NTRK3: variants seen among roughly 807,000 people sequenced by gnomAD.
NTRK3 encodes the protein neurotrophic receptor tyrosine kinase 3.
NTRK3 carries 24 observed loss-of-function variants against 91.7 expected under a neutral mutation model. The observed-to-expected ratio is 0.26, with a 90% CI of 0.19 to 0.37. NTRK3 has a LOEUF of 0.37. Ranked by LOEUF, NTRK3 falls within the 10% of genes least tolerant of loss-of-function variation. NTRK3 has a pLI of 1.00. For missense variants in NTRK3, 880 were observed against 1,068.9 expected (o/e 0.82, Z 2.46); for synonymous variants, 483 against 404.0 (o/e 1.20, Z -2.34).
At chr15:88,040,377 G>T (rs2079488410) in intron 13 of NTRK3, among the ~76,000 whole-genome samples, 1 of 152,178 alleles carries the variant, frequency 6.6e-6, no homozygotes, top group East Asian at 1.9e-4. Flanking sequence ...CCACCATTCT[G>T]CAGAAGCCTT....
exon 18 of NTRK3, chr15:87,880,285 T>C (rs905761858): frequency 1.9e-6 from 3 of 1,614,004 alleles, no homozygotes. Context: ...TGTTTGAGAG[T>C]TGGAACCATG....
At chr15:88,229,923 G>A (rs1863487) in intron 3 of NTRK3, among the ~76,000 whole-genome samples, 123,976 of 152,248 alleles carry the variant, frequency 0.81, 51,346 homozygotes, top group East Asian at 0.96. Context: ...GTCACAATGC[G>A]GCCATTGTAC....
At chr15:87,971,320 T>A (rs756869994) in intron 14 of NTRK3, among the ~76,000 whole-genome samples, 1 of 152,184 alleles carries the variant, frequency 6.6e-6, no homozygotes, top group Non-Finnish European at 1.5e-5. Flanking sequence ...CCAGAGAGCA[T>A]CACAGATCCT....
At chr15:88,179,268 T>A (rs947080552) in intron 5 of NTRK3, among the ~76,000 whole-genome samples, 2 of 152,244 alleles carry the variant, frequency 1.3e-5, no homozygotes, top group African/African-American at 4.8e-5. Context: ...ACATAGTAAC[T>A]TTTTAAATTG....
chr15:88,193,747 C>T (rs1402267862), intron 3 of NTRK3, among the ~76,000 whole-genome samples: 1 of 152,152 alleles, frequency 6.6e-6, no homozygotes, highest in African/African-American at 2.4e-5. Context: ...CATTTTTTCT[C>T]TTCCTCTTCT....
At chr15:87,899,157 C>T (rs1294067847) in intron 17 of NTRK3, among the ~76,000 whole-genome samples, 1 of 151,960 alleles carries the variant, frequency 6.6e-6, no homozygotes, top group African/African-American at 2.4e-5. Flanking sequence ...TCTCTGGGTC[C>T]AGGATTTAAA....
intron 14 of NTRK3, among the ~76,000 whole-genome samples, chr15:88,028,016 G>A (rs1195987008): frequency 6.6e-6 from 1 of 152,114 alleles, no homozygotes; most frequent in East Asian, 1.9e-4. Flanking sequence ...AGACGAACAG[G>A]GTGTGGAAGG....
rs376881078 is a variant in NTRK3 at position 88,128,747 on chromosome 15, G to T, written c.1205-13C>A. On this transcript the variant is annotated splice_polypyrimidine_tract_variant and intron_variant, in intron 10 of 18. Transcript: ENST00000394480. ...TTATCCGTGCTCTCTGCAAAAAAAG[G>T]ACAAAGAGATAATTAACAAATTTAA... is the stretch of plus-strand genomic sequence containing the variant. 10 of 1,613,250 alleles carry T rather than the reference G, an allele frequency of 6.2e-6. No homozygotes were observed. The African/African-American group carries it at 1.2e-4, about 19-fold the overall frequency.
intron 16 of NTRK3, among the ~76,000 whole-genome samples, chr15:87,932,688 C>G (rs2068910837): frequency 6.6e-6 from 1 of 152,128 alleles, no homozygotes; most frequent in African/African-American, 2.4e-5. Flanking sequence ...AAGGGTGGCC[C>G]TAGAATCTTG....
At chr15:88,089,805 T>G (rs1283588280) in intron 13 of NTRK3, among the ~76,000 whole-genome samples, 1 of 152,150 alleles carries the variant, frequency 6.6e-6, no homozygotes, top group Non-Finnish European at 1.5e-5. Context: ...TGGCCCCTTC[T>G]AAAATACAGG....
At chr15:87,890,377 C>T (rs1323863255) in intron 17 of NTRK3, among the ~76,000 whole-genome samples, 1 of 152,114 alleles carries the variant, frequency 6.6e-6, no homozygotes, top group Non-Finnish European at 1.5e-5. Flanking sequence ...AGCTGGAAAT[C>T]TTTTATAAAT....
chr15:88,181,007 C>T (rs998971795), intron 5 of NTRK3, among the ~76,000 whole-genome samples: 3 of 152,220 alleles, frequency 2.0e-5, no homozygotes, highest in African/African-American at 7.2e-5. Context: ...CTCCTCTGGG[C>T]ATCCCACTGT....
intron 17 of NTRK3, among the ~76,000 whole-genome samples, chr15:87,886,698 A>ATATATATATATATATATATATATG (rs2065566615): frequency 1.4e-5 from 2 of 141,810 alleles, no homozygotes; most frequent in African/African-American, 5.2e-5. Context: ...ATATATATAT[A>ATATATATATATATATATATATATG]TACATATATA....
chr15:88,239,976 C>T (rs538690698), intron 3 of NTRK3, among the ~76,000 whole-genome samples: 3 of 152,160 alleles, frequency 2.0e-5, no homozygotes, highest in South Asian at 4.2e-4. Flanking sequence ...CTCGGTGATG[C>T]GCATGCACGC....
intron 17 of NTRK3, among the ~76,000 whole-genome samples, chr15:87,896,022 T>G (rs2066101874): frequency 6.6e-6 from 1 of 152,040 alleles, no homozygotes; most frequent in Non-Finnish European, 1.5e-5. Flanking sequence ...ACAAATATAT[T>G]TCCTAAATGT....
At chr15:88,051,137 C>T (rs1352937757) in intron 13 of NTRK3, among the ~76,000 whole-genome samples, 1 of 152,120 alleles carries the variant, frequency 6.6e-6, no homozygotes, top group African/African-American at 2.4e-5. Context: ...TCTGCTGTTC[C>T]CCAAATACAC....
intron 13 of NTRK3, among the ~76,000 whole-genome samples, chr15:88,096,418 G>C (rs1015992920): frequency 6.6e-6 from 1 of 152,158 alleles, no homozygotes; most frequent in Non-Finnish European, 1.5e-5. Flanking sequence ...CACTGGAGAA[G>C]ACCCTACTTC....
At chr15:87,944,341 C>T (rs77101809) in intron 14 of NTRK3, among the ~76,000 whole-genome samples, 2,043 of 152,302 alleles carry the variant, frequency 0.013, 23 homozygotes, top group Non-Finnish European at 0.022. Flanking sequence ...CAGCTTCTTT[C>T]ACTGAACTTA....
At chr15:88,097,555 C>G (rs1276882779) in intron 13 of NTRK3, among the ~76,000 whole-genome samples, 1 of 152,184 alleles carries the variant, frequency 6.6e-6, no homozygotes, top group African/African-American at 2.4e-5. Flanking sequence ...CACCAGGAAT[C>G]TAAGGTATAG....
Sources: allele counts gnomAD v4.1 joint callset (sites outside exome capture counted in the v4.1 genomes callset), GRCh38; gene constraint gnomAD v4.1.1; transcripts MANE v1.5; gene names NCBI Gene and HGNC (gene_info 2026-07-23, HGNC 2026-07-21).